Variants in SMC6 observed in about 807,000 individuals in gnomAD.
SMC6 encodes the protein structural maintenance of chromosomes protein 6.
SMC6 carries 79 observed loss-of-function variants against 142.2 expected under a neutral mutation model. The observed-to-expected ratio is 0.56, with a 90% CI of 0.46 to 0.67. The LOEUF is 0.67. Ranked by LOEUF, SMC6 falls within the 30% of genes least tolerant of loss-of-function variation. The pLI, the probability that SMC6 is intolerant of heterozygous loss-of-function variation, is 0.00. For missense variants in SMC6, 1,072 were observed against 1,284.0 expected, an observed-to-expected ratio of 0.83 and a Z score of 2.52; for synonymous variants, 411 against 412.4, an observed-to-expected ratio of 1.00 and a Z score of 0.04.
At chr2:17,666,277 C>A in intron 27 of SMC6, 143 bp downstream of exon 27, 2 of 574,474 alleles carry the variant, frequency 3.5e-6, no homozygotes, top group Non-Finnish European at 6.0e-6. Context: ...GAAAAACATC[C>A]CAAATCTCCT....
chr2:17,679,174 CTTTTA>C (rs1038968585), intron 24 of SMC6: 42 of 425,536 alleles, frequency 9.9e-5, no homozygotes, highest in African/African-American at 8.1e-4. Flanking sequence ...AGTTCATTTA[CTTTTA>C]TAACAAAAAA....
intron 21 of SMC6, among the ~76,000 whole-genome samples, chr2:17,699,571 A>G (rs1006102395): frequency 2.6e-5 from 4 of 152,078 alleles, no homozygotes; most frequent in African/African-American, 9.7e-5. Context: ...TAAGACTCCA[A>G]CAATACAAAT....
intron 2 of SMC6, among the ~76,000 whole-genome samples, chr2:17,751,005 CAAAAAAAAAAA>C (rs34661130): frequency 1.9e-5 from 1 of 53,788 alleles, no homozygotes; most frequent in African/African-American, 8.0e-5. Flanking sequence ...ACAGCTGTCT[CAAAAAAAAAAA>C]AAAAAAAAAA....
intron 7 of SMC6, among the ~76,000 whole-genome samples, chr2:17,728,809 C>T (rs1669758624): frequency 6.6e-6 from 1 of 151,642 alleles, no homozygotes; most frequent in Admixed American, 6.6e-5. Flanking sequence ...AGTGCAGTGG[C>T]GTGATCTCAG....
rs575861773 is a variant in SMC6 at position 17,678,095 on chromosome 2, G to GT, written c.2910+763dup. ...CCATCAAATCAAGTTGAACACGGCA[G>GT]TTTTTTTTACTCAAAAGTGGCCAGA... On this transcript the variant is annotated intron_variant, in intron 25 of 27. Transcript: ENST00000448223. Among the ~76,000 whole-genome samples the GT allele has an allele frequency of 4.9e-3, 738 of 151,890 alleles. 4 individuals carry two copies. Among genetic ancestry groups the GT allele is most frequent in the African/African-American group, 0.016 (683 of 41,426 alleles).
intron 16 of SMC6, among the ~76,000 whole-genome samples, chr2:17,711,596 G>GA (rs981583135): frequency 6.6e-6 from 1 of 151,828 alleles, no homozygotes; most frequent in Non-Finnish European, 1.5e-5. Context: ...TAAAATATAG[G>GA]AAAAAAACAT....
At chr2:17,729,315 T>G (rs1669792651) in intron 7 of SMC6, among the ~76,000 whole-genome samples, 1 of 152,210 alleles carries the variant, frequency 6.6e-6, no homozygotes, top group Admixed American at 6.5e-5. Context: ...TGAACCTGAA[T>G]CTTTTGTTAT....
chr2:17,717,197 C>T, intron 12 of SMC6, 21 bp from the exon 13 acceptor site: 1 of 1,559,360 alleles, frequency 6.4e-7, no homozygotes, highest in Admixed American at 1.9e-5. Context: ...AAATTAGACA[C>T]ACTTTACAAA....
intron 3 of SMC6, among the ~76,000 whole-genome samples, chr2:17,744,625 T>C (rs146693099): frequency 1.3e-5 from 2 of 152,218 alleles, no homozygotes; most frequent in African/African-American, 4.8e-5. Context: ...GTTGAATAAG[T>C]GACAGAAGCA....
At chr2:17,741,940 A>G (rs1670491551) in intron 3 of SMC6, among the ~76,000 whole-genome samples, 1 of 152,238 alleles carries the variant, frequency 6.6e-6, no homozygotes, top group South Asian at 2.1e-4. Context: ...ATTTAAAAGT[A>G]TATCACCAGG....
intron 9 of SMC6, among the ~76,000 whole-genome samples, chr2:17,723,535 T>C (rs113120871): frequency 4.0e-4 from 61 of 152,316 alleles, no homozygotes; most frequent in Admixed American, 2.0e-4. Flanking sequence ...CATCCTTCCT[T>C]GCTTTCACCA....
At chr2:17,686,591 G>C (rs974636838) in intron 23 of SMC6, among the ~76,000 whole-genome samples, 3 of 152,130 alleles carry the variant, frequency 2.0e-5, no homozygotes, top group African/African-American at 7.2e-5. Flanking sequence ...CATGGGACAG[G>C]TTGCAGTAAA....
chr2:17,673,675 T>C (rs1025836843), intron 25 of SMC6, among the ~76,000 whole-genome samples: 7 of 151,880 alleles, frequency 4.6e-5, no homozygotes, highest in Admixed American at 2.0e-4. Flanking sequence ...GTTTAAGCGA[T>C]TCTCCTGCCT....
At chr2:17,739,181 G>T (rs539475637) in intron 4 of SMC6, among the ~76,000 whole-genome samples, 42 of 152,198 alleles carry the variant, frequency 2.8e-4, no homozygotes, top group African/African-American at 9.9e-4. Context: ...TCTTTGAGAA[G>T]TGTACTTCTT....
At chr2:17,690,230 G>A (rs1470475463) in intron 23 of SMC6, among the ~76,000 whole-genome samples, 1 of 152,144 alleles carries the variant, frequency 6.6e-6, no homozygotes, top group Non-Finnish European at 1.5e-5. Flanking sequence ...TAAATTCACT[G>A]AATAAATTAA....
chr2:17,740,262 C>T (rs1436091553), intron 4 of SMC6, among the ~76,000 whole-genome samples: 2 of 152,320 alleles, frequency 1.3e-5, no homozygotes, highest in East Asian at 3.9e-4. Flanking sequence ...CCATCTGTTT[C>T]TCCTAGAGAC....
Position 17,701,922 on chromosome 2 carries a change from T to A in SMC6, c.2143-13A>T. On this transcript the variant is annotated splice_polypyrimidine_tract_variant and intron_variant, in intron 19 of 27. Coordinates refer to ENST00000448223, the MANE Select transcript of SMC6 (RefSeq NM_001142286.2). ...TTCTTATTTTCATCTAAAAGAAAAG[T>A]ATTTGGATTTTAGTAACATAAAAAA... 1 of 1,422,928 alleles carries A rather than the reference T, an allele frequency of 7.0e-7. No individual in the cohort carries two copies. The highest frequency in any genetic ancestry group is 9.7e-7 in the Non-Finnish European group (1 of 1,035,708). 88.1% of individuals were successfully genotyped at this position (1,422,928 alleles called of 1,614,324 possible). A position where few individuals can be genotyped will look rare whatever the true frequency, so the allele number is the denominator to read the frequency against.
rs1428711803 is a variant in SMC6, at chr2:17,716,878, C to T, written c.1209G>A (p.Arg403=). ...AAGATATTTTTTTTTGTCTTTCCAA[C>T]CGTTCAGGTTCCAAAGATTGGTCAG... ...KSTDQSLEPE[R]LERQKKISWL... The change falls in exon 14 of 28, where the codon CGG becomes CGA. Residue 403 remains arginine (R), a synonymous_variant. Coordinates refer to ENST00000448223, the MANE Select transcript of SMC6 (RefSeq NM_001142286.2). 1 of 1,610,170 alleles carries T rather than the reference C, an allele frequency of 6.2e-7. No homozygotes were observed. The highest frequency in any genetic ancestry group is 2.2e-5 in the East Asian group (1 of 44,692).
At chr2:17,667,371 G>A (rs1174575875) in intron 26 of SMC6, among the ~76,000 whole-genome samples, 1 of 152,162 alleles carries the variant, frequency 6.6e-6, no homozygotes. Context: ...GCACATCAGG[G>A]TATAGACAAA....
Sources: gnomAD v4.1 joint callset for allele counts (sites outside exome capture counted in the v4.1 genomes callset) on GRCh38, gnomAD v4.1.1 for gene constraint, MANE v1.5 for transcripts, NCBI Gene and HGNC (gene_info 2026-07-23, HGNC 2026-07-21) for gene names.